The following CLMP variants were observed in gnomAD, a reference collection of about 807,000 sequenced individuals.
CLMP encodes the protein CXADR-like membrane protein.
Under a neutral mutation model 45.2 loss-of-function variants are expected in CLMP, and 27 were observed. The observed-to-expected ratio is 0.60, with a 90% confidence interval of 0.44 to 0.82. CLMP has a LOEUF of 0.82. CLMP is among the 40% of genes least tolerant of loss of function. CLMP has a pLI of 0.00. For missense variants in CLMP, 403 were observed against 448.4 expected (o/e 0.90, Z 0.91); for synonymous variants, 167 against 171.4 (o/e 0.97, Z 0.20).
At chr11:123,146,031 G>C (rs1258049065) in intron 1 of CLMP, among the ~76,000 whole-genome samples, 1 of 152,174 alleles carries the variant, frequency 6.6e-6, no homozygotes, top group Non-Finnish European at 1.5e-5. Flanking sequence ...GGTAGGGCAG[G>C]GCCAGCTGTG....
At chr11:123,185,384 A>AGG (rs948996214) in intron 1 of CLMP, among the ~76,000 whole-genome samples, 5 of 151,898 alleles carry the variant, frequency 3.3e-5, no homozygotes, top group Non-Finnish European at 7.4e-5. Flanking sequence ...ATTTGGCGCC[A>AGG]GGGGAGAGAG....
intron 1 of CLMP, among the ~76,000 whole-genome samples, chr11:123,106,667 G>C (rs939120442): frequency 6.6e-6 from 1 of 152,122 alleles, no homozygotes; most frequent in East Asian, 1.9e-4. Context: ...ATGCATGAAA[G>C]TGTCTAGCAC....
At chr11:123,125,535 C>CTCTT (rs1860879254) in intron 1 of CLMP, among the ~76,000 whole-genome samples, 1 of 68,070 alleles carries the variant, frequency 1.5e-5, no homozygotes, top group Non-Finnish European at 2.9e-5. Context: ...TCCCTTCCCT[C>CTCTT]CCCTTCCCTC....
chr11:123,080,977 T>A (rs1865797606), intron 5 of CLMP, among the ~76,000 whole-genome samples: 1 of 151,876 alleles, frequency 6.6e-6, no homozygotes. Flanking sequence ...ACCCCGTCTC[T>A]ACTACTAAAA....
At chr11:123,150,480 A>AAAGAAAAAGGAAGG (rs764502298) in intron 1 of CLMP, among the ~76,000 whole-genome samples, 6 of 40,988 alleles carry the variant, frequency 1.5e-4, no homozygotes, top group Admixed American at 1.1e-3. Flanking sequence ...AGAAAGAAAG[A>AAAGAAAAAGGAAGG]AAGGAAGGAA....
chr11:123,113,027 C>G (rs1045734900), intron 1 of CLMP, among the ~76,000 whole-genome samples: 3 of 152,214 alleles, frequency 2.0e-5, no homozygotes, highest in Admixed American at 6.5e-5. Context: ...CCCTCCTCGA[C>G]CTCCCAAAGT....
chr11:123,174,292 T>C (rs1479527329), intron 1 of CLMP, among the ~76,000 whole-genome samples: 1 of 152,086 alleles, frequency 6.6e-6, no homozygotes, highest in African/African-American at 2.4e-5. Flanking sequence ...GAACAGGAAA[T>C]AGCTTAAAAG....
At chr11:123,108,542 C>T (rs933270956) in intron 1 of CLMP, among the ~76,000 whole-genome samples, 6 of 151,866 alleles carry the variant, frequency 4.0e-5, no homozygotes, top group Non-Finnish European at 8.8e-5. Context: ...CTACCTCCTT[C>T]CCAGCCTGTG....
At chr11:123,159,887 T>A (rs530517878) in intron 1 of CLMP, among the ~76,000 whole-genome samples, 38 of 152,236 alleles carry the variant, frequency 2.5e-4, no homozygotes, top group Non-Finnish European at 4.7e-4. Context: ...GGTTTGTTTT[T>A]AAGACCTCCT....
chr11:123,139,552 C>T (rs577975639), intron 1 of CLMP, among the ~76,000 whole-genome samples: 19 of 152,236 alleles, frequency 1.2e-4, no homozygotes, highest in Middle Eastern at 3.4e-3. Context: ...AAGGGTCGGG[C>T]GCTGTGGCTC....
In CLMP at chr11:123,194,935, G is replaced by T; in HGVS notation, c.6C>A (p.Ser2=). The T allele has an allele frequency of 6.2e-7, 1 of 1,612,710 alleles. No individual in the cohort carries two copies. The highest frequency in any genetic ancestry group is 8.5e-7 in the Non-Finnish European group (1 of 1,179,324). M[S]LLLLLLLVSY... Reference sequence around the variant, plus strand: ...CACCTAGCAAGAGGAGAAGGAGGAGGGACATCCCGATCCCCGGACGCGGGC... The same window carrying T: ...CACCTAGCAAGAGGAGAAGGAGGAGTGACATCCCGATCCCCGGACGCGGGC... Residue 2 remains serine (S), a synonymous_variant, in exon 1 of 7, where the codon TCC becomes TCA. Transcript: ENST00000448775.
Position 123,083,157 on chromosome 11 carries a change from A to T in CLMP, c.607T>A (p.Ser203Thr). ...VLLQNLTMSYSGLYQCTAGNE... is the reference protein window; with the variant it reads ...VLLQNLTMSYTGLYQCTAGNE... ...CCTGCTGTGCACTGGTACAGTCCAG[A>T]GTAGGACATGGTAAGATTCTGCAGC... is the stretch of plus-strand genomic sequence containing the variant. The change falls in exon 5 of 7, where the codon TCT (serine) becomes ACT (threonine). Residue 203 changes from serine (S) to threonine (T), a missense_variant. Ser to Thr is a moderately conservative substitution (Grantham distance 58, BLOSUM62 1). Transcript: ENST00000448775. The T allele has an allele frequency of 1.2e-6, 2 of 1,614,114 alleles. No individual in the cohort carries two copies. The highest frequency in any genetic ancestry group is 1.7e-6 in the Non-Finnish European group (2 of 1,179,962).
chr11:123,131,685 G>A (rs1975890), intron 1 of CLMP, among the ~76,000 whole-genome samples: 19,091 of 140,122 alleles, frequency 0.14, 1,434 homozygotes, highest in East Asian at 0.25. Flanking sequence ...GTGTGATCTC[G>A]GTTCACTGCA....
At chr11:123,131,422 A>G (rs762131515) in intron 1 of CLMP, among the ~76,000 whole-genome samples, 3 of 152,146 alleles carry the variant, frequency 2.0e-5, no homozygotes, top group Non-Finnish European at 2.9e-5. Context: ...TTCTTACTTT[A>G]ATTTTATATA....
intron 2 of CLMP, among the ~76,000 whole-genome samples, chr11:123,086,163 C>T (rs528244436): frequency 1.3e-5 from 2 of 152,170 alleles, no homozygotes; most frequent in South Asian, 2.1e-4. Flanking sequence ...CCACCCTCCT[C>T]GGCTTCCCAA....
chr11:123,102,579 A>C (rs1860465222), intron 1 of CLMP, among the ~76,000 whole-genome samples: 1 of 127,842 alleles, frequency 7.8e-6, no homozygotes, highest in East Asian at 2.5e-4. Context: ...GTGCCCAGCC[A>C]GGTTTTTTTT....
intron 1 of CLMP, among the ~76,000 whole-genome samples, chr11:123,179,426 TG>T (rs1222207891): frequency 1.3e-5 from 2 of 152,108 alleles, no homozygotes; most frequent in Non-Finnish European, 2.9e-5. Flanking sequence ...CAAGGAAGCC[TG>T]GGGAAGGGTG....
rs563712247 is a variant in CLMP at position 123,162,023 on chromosome 11, A to G, written c.28+32890T>C. Among the ~76,000 whole-genome samples, 9 of 152,374 alleles carry G rather than the reference A, an allele frequency of 5.9e-5. No homozygotes were observed. The East Asian group carries it at 1.5e-3, about 26-fold the overall frequency. ...GATTGAGAACCCCTGTGCTGGCAAC[A>G]GGAAAGATGCAGAGATGCAGAGAAC... On this transcript the variant is annotated intron_variant, in intron 1 of 6. Transcript: ENST00000448775.
intron 2 of CLMP, among the ~76,000 whole-genome samples, chr11:123,096,136 G>GC (rs1865985940): frequency 1.3e-5 from 2 of 152,150 alleles, no homozygotes; most frequent in Non-Finnish European, 2.9e-5. Context: ...GCCGAGGCAG[G>GC]CCGAACACCT....
Sources: gnomAD v4.1 joint callset for allele counts (sites outside exome capture counted in the v4.1 genomes callset) on GRCh38, gnomAD v4.1.1 for gene constraint, MANE v1.5 for transcripts, NCBI Gene and HGNC (gene_info 2026-07-23, HGNC 2026-07-21) for gene names.